PDE4A: variants seen among roughly 807,000 people sequenced by gnomAD.
PDE4A encodes phosphodiesterase 4A.
A neutral mutation model predicts 73.9 loss-of-function variants in PDE4A; 21 were observed. The observed-to-expected ratio is 0.28, with a 90% CI of 0.20 to 0.41. The LOEUF (loss-of-function observed/expected upper bound fraction) is 0.41. Ranked by LOEUF, PDE4A falls within the 10% of genes least tolerant of loss-of-function variation. The pLI is 1.00. For missense variants in PDE4A, 958 were observed against 1,211.4 expected, an observed-to-expected ratio of 0.79 and a Z score of 3.10; for synonymous variants, 463 against 505.4, an observed-to-expected ratio of 0.92 and a Z score of 1.13.
upstream of PDE4A, chr19:10,417,570 C>T (rs1213672256): frequency 5.4e-6 from 8 of 1,479,516 alleles, no homozygotes; most frequent in South Asian, 9.3e-5. Context: ...TAACTACTCC[C>T]TTAGACAGCT....
At chr19:10,442,881 G>A (rs903609935) in intron 1 of PDE4A, among the ~76,000 whole-genome samples, 6 of 149,240 alleles carry the variant, frequency 4.0e-5, no homozygotes, top group Non-Finnish European at 8.9e-5. Flanking sequence ...TAGTAATAGT[G>A]CATATACATG....
intron 11 of PDE4A, 109 bp from the exon 12 acceptor site, chr19:10,461,417 C>T (rs1420508873): frequency 3.3e-6 from 5 of 1,526,046 alleles, no homozygotes; most frequent in Admixed American, 1.9e-5. Flanking sequence ...GGGCTGGAGG[C>T]GAGGCTGGCC....
chr19:10,457,779 G>T (rs1010682849), intron 7 of PDE4A, 100 bp from the exon 8 acceptor site: 2 of 1,536,006 alleles, frequency 1.3e-6, no homozygotes, highest in East Asian at 2.3e-5. Flanking sequence ...CTGCCGTTTC[G>T]GGTGAGCCTT....
At chr19:10,446,545 A>AAGC in intron 2 of PDE4A, 136 bp downstream of exon 2, 1 of 998,724 alleles carries the variant, frequency 1.0e-6, no homozygotes, top group Non-Finnish European at 1.4e-6. Flanking sequence ...AGTGAAGGGT[A>AAGC]AGCAGCACCC....
upstream of PDE4A, chr19:10,418,993 G>A (rs1457200345): frequency 1.0e-6 from 1 of 983,224 alleles, no homozygotes. Flanking sequence ...CTCGGCGTTC[G>A]CCCACGCCGG....
upstream of PDE4A, chr19:10,420,371 G>A: frequency 2.0e-6 from 2 of 979,774 alleles, no homozygotes; most frequent in East Asian, 1.1e-4. The surrounding 1 kb of genome is among the most constrained non-coding windows in gnomAD (Gnocchi z 6.0). Context: ...CTGCGTGGGC[G>A]GGAAGGGCCC....
chr19:10,462,429 G>A (rs2045808238), intron 13 of PDE4A, among the ~76,000 whole-genome samples: 1 of 148,048 alleles, frequency 6.8e-6, no homozygotes, highest in African/African-American at 2.5e-5. Context: ...CCAAAGTGCT[G>A]GGATTACAGG....
Position 10,448,836 on chromosome 19 carries a change from C to G in PDE4A, c.513-81C>G, listed in dbSNP as rs180785132. 394 of 1,600,212 alleles carry G rather than the reference C, an allele frequency of 2.5e-4. 1 individual carries two copies. The Middle Eastern group carries it at 2.6e-3, about 10-fold the overall frequency. The stretch of plus-strand genomic sequence containing the variant: ...GTCCCCTCCCTCCCTCTCAGCCTCC[C>G]TGGGTCCAGCCTCACAGGGCATCTA... On this transcript the variant is annotated intron_variant, in intron 2 of 14. Coordinates refer to ENST00000380702, the MANE Select transcript of PDE4A (RefSeq NM_001111307.2).
chr19:10,435,257 A>AC (rs966783982), intron 1 of PDE4A, among the ~76,000 whole-genome samples: 19 of 152,074 alleles, frequency 1.2e-4, no homozygotes, highest in Non-Finnish European at 5.9e-5. Flanking sequence ...TGAAAGTGTC[A>AC]CCAAATGATC....
chr19:10,459,829 CTCTCTGACCCTGTG>C, intron 10 of PDE4A, 70 bp downstream of exon 10: 1 of 1,487,644 alleles, frequency 6.7e-7, no homozygotes, highest in South Asian at 1.3e-5. Context: ...TCCTGTGTGT[CTCTCTGACCCTGTG>C]TCTCTGACCT....
chr19:10,454,640 C>A, intron 6 of PDE4A, 189 bp from the exon 7 acceptor site: 1 of 521,784 alleles, frequency 1.9e-6, no homozygotes, highest in Non-Finnish European at 2.5e-6. Context: ...ACCTGGGGAC[C>A]TCCATCCAGA....
chr19:10,421,225 G>A, intron 1 of PDE4A, 141 bp downstream of exon 1: 1 of 1,336,616 alleles, frequency 7.5e-7, no homozygotes, highest in Non-Finnish European at 9.5e-7. Context: ...GGCTGCGGGG[G>A]CGTCTGGGAC....
chr19:10,446,681 G>A lies in PDE4A; in HGVS notation c.512+272G>A, dbSNP rs555715406. ...GCCATCTCAGCTCACTGCAACCTCC[G>A]CCTCCTGGGTTCAAGCAATTCTCCT... On this transcript the variant is annotated intron_variant, in intron 2 of 14. Coordinates refer to ENST00000380702, the MANE Select transcript of PDE4A (RefSeq NM_001111307.2). Among the ~76,000 whole-genome samples, 20 of 149,970 alleles carry A rather than the reference G, an allele frequency of 1.3e-4. No individual in the cohort carries two copies. The South Asian group carries it at 2.8e-3, about 21-fold the overall frequency.
intron 1 of PDE4A, among the ~76,000 whole-genome samples, chr19:10,428,180 C>T (rs1179304060): frequency 6.6e-6 from 1 of 151,988 alleles, no homozygotes; most frequent in South Asian, 2.1e-4. Context: ...AGGAAAACCC[C>T]ATCTCTAGAA....
intron 1 of PDE4A, among the ~76,000 whole-genome samples, chr19:10,431,750 GC>G (rs1204260114): frequency 6.6e-6 from 1 of 152,134 alleles, no homozygotes; most frequent in African/African-American, 2.4e-5. Context: ...GCAGGACCGG[GC>G]CCAGCGACTG....
Position 10,428,353 on chromosome 19 carries a change from GTC to G in PDE4A, c.320+7272_320+7273del, listed in dbSNP as rs1297485708. Among the ~76,000 whole-genome samples, 139 of 128,160 alleles carry G rather than the reference GTC, an allele frequency of 1.1e-3. 1 individual carries two copies. The highest frequency in any genetic ancestry group is 7.5e-3 in the Middle Eastern group (2 of 266). The allele number at this position is 128,160 out of a possible 152,430, so 84.1% of individuals were successfully genotyped here. A position where few individuals can be genotyped will look rare whatever the true frequency, so the allele number is the denominator to read the frequency against. ...AGCCTCGATGACAGAGTGAGATCCT[GTC>G]TCGAGAGAGAGAGAGAGAGAGAGAG... is the stretch of plus-strand genomic sequence containing the variant. On this transcript the variant is annotated intron_variant, in intron 1 of 14. Coordinates refer to ENST00000380702, the MANE Select transcript of PDE4A (RefSeq NM_001111307.2).
At position 10,457,942 on chromosome 19, in the gene PDE4A, C is replaced by A. The variant is rs779771039; in HGVS notation, c.941C>A (p.Pro314Gln). 1 of 1,613,344 alleles carries A rather than the reference C, an allele frequency of 6.2e-7. No individual in the cohort carries two copies. The highest frequency in any genetic ancestry group is 8.5e-7 in the Non-Finnish European group (1 of 1,180,020). The change falls in exon 8 of 15, where the codon CCG becomes CAG. Residue 314 changes from proline to glutamine, a missense_variant. Pro to Gln is a moderately conservative substitution (Grantham distance 76). Coordinates refer to ENST00000380702, the MANE Select transcript of PDE4A (RefSeq NM_001111307.2). ...AAGGAACGAGAAAAACAGCAAGCGCCGCGACCAAGACCCTCCCAGCCGCCC... is the reference window on the plus strand; with the variant it reads ...AAGGAACGAGAAAAACAGCAAGCGCAGCGACCAAGACCCTCCCAGCCGCCC... ...TMKEREKQQA[P>Q]RPRPSQPPPP...
intron 6 of PDE4A, among the ~76,000 whole-genome samples, chr19:10,451,375 T>A (rs2043088767): frequency 6.6e-6 from 1 of 152,042 alleles, no homozygotes; most frequent in South Asian, 2.1e-4. Flanking sequence ...TGTCTGGTTG[T>A]ACATGTGTCA....
chr19:10,459,429 G>A lies in PDE4A; in HGVS notation c.1131G>A (p.Leu377=). ...QELENLNKWG[L]NIFCVSDYAG... ...TGGAGAACCTGAACAAGTGGGGCCT[G>A]AACATCTTTTGCGTGTCGGATTACG... The change falls in exon 9 of 15, where the codon CTG becomes CTA. Residue 377 remains leucine (L), a synonymous_variant. Coordinates refer to ENST00000380702, the MANE Select transcript of PDE4A (RefSeq NM_001111307.2). The A allele has an allele frequency of 6.2e-7, 1 of 1,614,214 alleles. No individual in the cohort carries two copies. The highest frequency in any genetic ancestry group is 8.5e-7 in the Non-Finnish European group (1 of 1,180,040).
Sources: gnomAD v4.1 joint callset for allele counts (sites outside exome capture counted in the v4.1 genomes callset) on GRCh38, gnomAD v4.1.1 for gene constraint, Gnocchi (gnomAD v3.1) non-coding constraint, MANE v1.5 for transcripts, NCBI Gene and HGNC (gene_info 2026-07-23, HGNC 2026-07-21) for gene names.